NFASC: variants seen among roughly 807,000 people sequenced by gnomAD.
NFASC encodes the protein neurofascin.
In NFASC, 43 loss-of-function variants were observed where a neutral mutation model predicts 147.5. The observed-to-expected ratio is 0.29, with a 90% CI of 0.23 to 0.38. NFASC has a LOEUF of 0.38. NFASC is among the 10% of genes least tolerant of loss of function. The pLI is 1.00. For synonymous variants in NFASC, 622 were observed against 665.5 expected, an observed-to-expected ratio of 0.93 and a Z score of 1.01; for missense variants, 1,320 against 1,689.0, an observed-to-expected ratio of 0.78 and a Z score of 3.83.
At chr1:204,944,552 T>TC (rs1434141552) in intron 3 of NFASC, 146 bp downstream of exon 3, 22 of 712,776 alleles carry the variant, frequency 3.1e-5, no homozygotes, top group Admixed American at 6.1e-5. Flanking sequence ...GAGCTGGGTT[T>TC]CTCTCCAAAG....
intron 1 of NFASC, among the ~76,000 whole-genome samples, chr1:204,868,553 C>T (rs2077306966): frequency 6.6e-6 from 1 of 152,216 alleles, no homozygotes; most frequent in Admixed American, 6.5e-5. Flanking sequence ...GCTGCCAACC[C>T]CTCCTGGCTT....
chr1:204,984,384 T>TATATATATATATATATATACGC (rs2095570125), intron 21 of NFASC: 1 of 36,258 alleles, frequency 2.8e-5, no homozygotes, highest in Non-Finnish European at 7.5e-5. Context: ...TATATACGCA[T>TATATATATATATATATATACGC]ATATATATAT....
intron 25 of NFASC, 177 bp from the exon 26 acceptor site, chr1:205,000,993 G>T: frequency 1.6e-6 from 1 of 635,712 alleles, no homozygotes; most frequent in African/African-American, 1.8e-5. Context: ...AGCTCTGTCA[G>T]GCCCTGTGCA....
chr1:204,956,023 G>T (rs2094408680), intron 7 of NFASC, among the ~76,000 whole-genome samples: 1 of 152,166 alleles, frequency 6.6e-6, no homozygotes, highest in South Asian at 2.1e-4. Flanking sequence ...GGCCTCACTT[G>T]TTAATTCACA....
chr1:204,946,567 C>T (rs1558200167), intron 3 of NFASC: 3 of 446,976 alleles, frequency 6.7e-6, no homozygotes, highest in East Asian at 1.4e-4. Context: ...ACTGAACACA[C>T]TTTCCCAGTG....
chr1:204,949,056 G>A (rs1437571685), intron 3 of NFASC, among the ~76,000 whole-genome samples: 4 of 152,200 alleles, frequency 2.6e-5, no homozygotes, highest in African/African-American at 9.6e-5. Flanking sequence ...TTTCCCCCTG[G>A]ACTTTTCATT....
chr1:204,857,024 C>A (rs2076215456), intron 1 of NFASC, among the ~76,000 whole-genome samples: 2 of 152,164 alleles, frequency 1.3e-5, no homozygotes, highest in African/African-American at 4.8e-5. Flanking sequence ...GCTTTCGATT[C>A]TTTGGGGCAT....
chr1:205,022,235 T>C lies in NFASC; in HGVS notation c.*5696T>C, dbSNP rs2096404865. 1 of 152,650 alleles carries C rather than the reference T, an allele frequency of 6.6e-6. No individual in the cohort carries two copies. The highest frequency in any genetic ancestry group is 1.5e-5 in the Non-Finnish European group (1 of 68,066). 9.5% of individuals were successfully genotyped at this position (152,650 alleles called of 1,614,324 possible). On this transcript the variant is annotated 3_prime_UTR_variant, in exon 30 of 30. Transcript: ENST00000339876. The stretch of plus-strand genomic sequence containing the variant: ...TGATTCCCAACTGCAATGTCCTCAG[T>C]CAGTGTTGTCCCTCTGCCCGGCTCC...
rs77949333 is a variant in NFASC, at chr1:205,014,712, G to A, written c.3492-1596G>A. On this transcript the variant is annotated intron_variant, in intron 29 of 29. Transcript: ENST00000339876. ...TGGCATGCTACAGATCTCTTCCCCC[G>A]CCCCTTCCACTGGCTGGGCTGTTGC... Among the ~76,000 whole-genome samples, 130 of 152,154 alleles carry A rather than the reference G, an allele frequency of 8.5e-4. 1 individual carries two copies. Among genetic ancestry groups the A allele is most frequent in the East Asian group, 6.2e-3 (32 of 5,164 alleles).
chr1:204,867,461 G>A (rs549862010), intron 1 of NFASC, among the ~76,000 whole-genome samples: 21 of 146,300 alleles, frequency 1.4e-4, no homozygotes, highest in African/African-American at 5.4e-4. Context: ...GTAAACCCAA[G>A]AAAACACATA....
At chr1:204,836,016 G>A (rs936978389) in intron 1 of NFASC, among the ~76,000 whole-genome samples, 4 of 152,160 alleles carry the variant, frequency 2.6e-5, no homozygotes, top group Non-Finnish European at 5.9e-5. Flanking sequence ...ACTGATGCTG[G>A]CCAATTTGCT....
chr1:204,998,478 T>C (rs927801288), intron 25 of NFASC: 9 of 152,198 alleles, frequency 5.9e-5, no homozygotes, highest in African/African-American at 1.7e-4. Flanking sequence ...GGAGGCTTAA[T>C]AGACATGAGA....
chr1:205,017,162 C>T lies in NFASC; in HGVS notation c.*623C>T, dbSNP rs2096368962. ...TGGCCCCCAGCCCCTCTGCCTCGGC[C>T]TTGTCAGTTGCTGAGCTGGGCTTGG... On this transcript the variant is annotated 3_prime_UTR_variant, in exon 30 of 30. Coordinates refer to ENST00000339876, the MANE Select transcript of NFASC (RefSeq NM_001005388.3). The T allele has an allele frequency of 6.0e-6, 1 of 166,216 alleles. No individual in the cohort carries two copies. The highest frequency in any genetic ancestry group is 5.6e-5 in the Admixed American group (1 of 18,010). 10.3% of individuals were successfully genotyped at this position (166,216 alleles called of 1,614,324 possible).
chr1:204,940,047 C>T lies in NFASC; in HGVS notation c.-90-4179C>T, dbSNP rs116859809. On this transcript the variant is annotated intron_variant, in intron 2 of 29. Transcript: ENST00000339876. ...TGGGGAGCTGAGGGCCCTATATGCT[C>T]ACATCAAATAATCTGTCCTCTTCAT... 2.7e-4 allele frequency among the ~76,000 whole-genome samples: 41 copies of T among 152,364 alleles called. No homozygotes were observed. In the East Asian group the frequency reaches 6.9e-3, roughly 26 times the overall value.
chr1:204,936,272 G>A (rs2092830953), intron 2 of NFASC, among the ~76,000 whole-genome samples: 1 of 131,502 alleles, frequency 7.6e-6, no homozygotes, highest in Non-Finnish European at 1.5e-5. Flanking sequence ...CACAATCTTG[G>A]CTCACTGCAA....
intron 25 of NFASC, chr1:204,997,616 C>T (rs1398104904): frequency 6.2e-6 from 4 of 640,036 alleles, no homozygotes; most frequent in Non-Finnish European, 8.4e-6. Context: ...GGCCCTGACA[C>T]ACACACACTC....
At position 204,839,999 on chromosome 1, in the gene NFASC, G is replaced by T. The variant is rs1444446022; in HGVS notation, c.-200+11217G>T. ...TGAGTGGGCTGCATATCCCTGTTGG[G>T]GTTGGGGAAGAACTTTTCTGGCTGC... On this transcript the variant is annotated intron_variant, in intron 1 of 29. Transcript: ENST00000339876. Among the ~76,000 whole-genome samples the T allele has an allele frequency of 2.6e-5, 4 of 152,158 alleles. No homozygotes were observed. The East Asian group carries it at 7.7e-4, about 29-fold the overall frequency.
At chr1:204,893,443 C>T (rs550191237) in intron 1 of NFASC, among the ~76,000 whole-genome samples, 1 of 152,278 alleles carries the variant, frequency 6.6e-6, no homozygotes, top group South Asian at 2.1e-4. Flanking sequence ...CTAAGAGCAT[C>T]TCTGAGAGTG....
In NFASC at chr1:204,991,322, C is replaced by T. The variant is rs756311076; in HGVS notation, c.2782+16C>T. 38 of 1,611,550 alleles carry T rather than the reference C, an allele frequency of 2.4e-5. No individual in the cohort carries two copies. In the Admixed American group the frequency reaches 3.9e-4, roughly 16 times the overall value. On this transcript the variant is annotated intron_variant, in intron 24 of 29. Transcript: ENST00000339876. Reference sequence around the variant, plus strand: ...CCAACCGCAGGTACCGTACCAGCCGCGGAGGTAATGGGCATGGCATGGGGC... The same window carrying T: ...CCAACCGCAGGTACCGTACCAGCCGTGGAGGTAATGGGCATGGCATGGGGC...
Sources: allele counts gnomAD v4.1 joint callset (sites outside exome capture counted in the v4.1 genomes callset), GRCh38; gene constraint gnomAD v4.1.1; transcripts MANE v1.5; gene names NCBI Gene and HGNC (gene_info 2026-07-23, HGNC 2026-07-21).